Variants in STK32A observed in about 807,000 individuals in gnomAD.
STK32A encodes the protein serine/threonine kinase 32A.
STK32A carries 41 observed loss-of-function variants against 53.2 expected under a neutral mutation model. That is an observed-to-expected ratio of 0.77 (90% confidence interval 0.60 to 1.00). The LOEUF (loss-of-function observed/expected upper bound fraction) is 1.00, where lower values mean the gene tolerates loss of function less well. Ranked by LOEUF, STK32A falls within the 50% of genes least tolerant of loss-of-function variation. The pLI, the probability that STK32A is intolerant of heterozygous loss-of-function variation, is 0.00. For missense variants in STK32A, 458 were observed against 485.8 expected (o/e 0.94, Z 0.54); for synonymous variants, 166 against 162.8 (o/e 1.02, Z -0.15).
At chr5:147,395,202 TAAAG>T in the STK32A span, among the ~76,000 whole-genome samples, 1 of 152,168 alleles carries the variant, frequency 6.6e-6, no homozygotes, top group Non-Finnish European at 1.5e-5. Context: ...TCTGGACAAA[TAAAG>T]AAAACATACT....
At chr5:147,377,618 C>T (rs2400296) in intron 11 of STK32A, among the ~76,000 whole-genome samples, 2,046 of 152,194 alleles carry the variant, frequency 0.013, 32 homozygotes, top group African/African-American at 0.047. Context: ...CATTGTTTAG[C>T]GACTTCTCCA....
At chr5:147,397,756 G>T in the STK32A span, 1 of 1,614,178 alleles carries the variant, frequency 6.2e-7, no homozygotes, top group Non-Finnish European at 8.5e-7. Flanking sequence ...CGTGCAGGTT[G>T]CCATCTTCCA....
chr5:147,377,874 G>C (rs79217412), intron 11 of STK32A, among the ~76,000 whole-genome samples: 4,324 of 152,074 alleles, frequency 0.028, 238 homozygotes, highest in African/African-American at 0.1. Flanking sequence ...GATGGGGCTT[G>C]GAACTGCTTA....
At chr5:147,285,297 T>C (rs1221454045) in intron 4 of STK32A, among the ~76,000 whole-genome samples, 1 of 152,062 alleles carries the variant, frequency 6.6e-6, no homozygotes, top group Non-Finnish European at 1.5e-5. Flanking sequence ...TATACAAAAA[T>C]CAACTGAAGA....
chr5:147,259,912 C>T (rs1453796916), intron 2 of STK32A, among the ~76,000 whole-genome samples: 2 of 139,634 alleles, frequency 1.4e-5, no homozygotes, highest in African/African-American at 5.8e-5. Context: ...CTCTCTCTCT[C>T]CCCTCTTGTC....
the STK32A span, chr5:147,395,452 GCTGGAAAA>G: frequency 7.2e-7 from 1 of 1,383,788 alleles, no homozygotes; most frequent in South Asian, 1.3e-5. Flanking sequence ...CCAGTGCTAG[GCTGGAAAA>G]CTCCTTCAGG....
At chr5:147,292,936 G>A (rs985310153) in intron 4 of STK32A, among the ~76,000 whole-genome samples, 1 of 152,096 alleles carries the variant, frequency 6.6e-6, no homozygotes, top group African/African-American at 2.4e-5. Context: ...TTGATATTGG[G>A]TTAGCAATCT....
At chr5:147,304,094 A>C (rs1753279114) in intron 4 of STK32A, among the ~76,000 whole-genome samples, 1 of 152,202 alleles carries the variant, frequency 6.6e-6, no homozygotes, top group Non-Finnish European at 1.5e-5. Context: ...TTAGGGACAA[A>C]GGGCAATCTG....
the STK32A span, chr5:147,401,639 T>C: frequency 4.3e-6 from 7 of 1,614,168 alleles, no homozygotes; most frequent in Non-Finnish European, 5.9e-6. Flanking sequence ...CTTGCTCCAA[T>C]AATGGGTTCC....
the STK32A span, among the ~76,000 whole-genome samples, chr5:147,398,804 G>A: frequency 3.3e-5 from 5 of 152,174 alleles, no homozygotes; most frequent in Non-Finnish European, 7.3e-5. Context: ...CATTCACCAG[G>A]TCATGTTCCC....
chr5:147,308,610 G>A (rs982994483), intron 4 of STK32A, among the ~76,000 whole-genome samples: 8 of 151,994 alleles, frequency 5.3e-5, no homozygotes, highest in Admixed American at 2.0e-4. Flanking sequence ...TCTTTTTCCC[G>A]AGTTCACAGG....
At chr5:147,400,888 G>T in the STK32A span, 1 of 1,587,080 alleles carries the variant, frequency 6.3e-7, no homozygotes, top group East Asian at 2.2e-5. Flanking sequence ...AGGCACACTG[G>T]GAGCTTAGAG....
chr5:147,325,470 A>T (rs116791226), intron 5 of STK32A, among the ~76,000 whole-genome samples: 1,595 of 152,286 alleles, frequency 0.01, 12 homozygotes, highest in Non-Finnish European at 0.016. Context: ...TATCTTGATG[A>T]GTACAGAGCC....
At chr5:147,283,500 A>G (rs994224028) in intron 4 of STK32A, among the ~76,000 whole-genome samples, 2 of 152,018 alleles carry the variant, frequency 1.3e-5, no homozygotes, top group Non-Finnish European at 2.9e-5. Context: ...TAAATAAAAC[A>G]AAAAGATGGT....
At chr5:147,329,461 T>C (rs1754756697) in intron 5 of STK32A, among the ~76,000 whole-genome samples, 1 of 152,228 alleles carries the variant, frequency 6.6e-6, no homozygotes, top group East Asian at 1.9e-4. Flanking sequence ...CAGGCTCCCA[T>C]GGGGAAGAAG....
At chr5:147,383,620 A>G in intron 12 of STK32A, 115 bp downstream of exon 12, 1 of 949,626 alleles carries the variant, frequency 1.1e-6, no homozygotes, top group Non-Finnish European at 1.6e-6. Context: ...TAATTGGGAA[A>G]ATGATGCAAT....
At chr5:147,355,224 T>C (rs973391302) in intron 7 of STK32A, among the ~76,000 whole-genome samples, 1 of 152,180 alleles carries the variant, frequency 6.6e-6, no homozygotes, top group Non-Finnish European at 1.5e-5. Flanking sequence ...AATAAGACAG[T>C]ATGCCAGTTC....
chr5:147,315,839 T>G (rs1753967203), intron 4 of STK32A, among the ~76,000 whole-genome samples: 1 of 152,186 alleles, frequency 6.6e-6, no homozygotes, highest in African/African-American at 2.4e-5. Flanking sequence ...ATACCTTGTT[T>G]TTCGTATTTG....
At chr5:147,287,451 C>G (rs1752399434) in intron 4 of STK32A, among the ~76,000 whole-genome samples, 2 of 152,130 alleles carry the variant, frequency 1.3e-5, no homozygotes, top group Non-Finnish European at 1.5e-5. Flanking sequence ...TTAGGGACAT[C>G]CTTCTGGAGA....
Sources: gnomAD v4.1 joint callset for allele counts (sites outside exome capture counted in the v4.1 genomes callset) on GRCh38, gnomAD v4.1.1 for gene constraint, MANE v1.5 for transcripts, NCBI Gene and HGNC (gene_info 2026-07-23, HGNC 2026-07-21) for gene names.